The following ALDH18A1 variants were observed in gnomAD, a reference collection of about 807,000 sequenced individuals.
ALDH18A1 encodes the protein delta-1-pyrroline-5-carboxylate synthase.
In ALDH18A1, 44 loss-of-function variants were observed where a neutral mutation model predicts 88.8. The observed-to-expected ratio is 0.50, with a 90% CI of 0.39 to 0.64. The LOEUF (loss-of-function observed/expected upper bound fraction) is 0.64, where lower values mean the gene tolerates loss of function less well. Among genes scored for constraint, ALDH18A1 ranks in the 30% least tolerant of loss-of-function variants. The probability of loss-of-function intolerance (pLI) is 0.00; values close to 1 mark genes in which losing one functional copy is unlikely to be tolerated. For missense variants in ALDH18A1, 782 were observed against 1,009.5 expected (o/e 0.77, Z 3.05); for synonymous variants, 331 against 372.1 (o/e 0.89, Z 1.27).
intron 12 of ALDH18A1, among the ~76,000 whole-genome samples, chr10:95,617,757 G>A (rs977307159): frequency 6.6e-6 from 1 of 152,188 alleles, no homozygotes; most frequent in African/African-American, 2.4e-5. Flanking sequence ...GTTAGCTAAT[G>A]AGGTATCAGC....
chr10:95,625,337 T>C, intron 11 of ALDH18A1, 25 bp downstream of exon 11: 1 of 1,603,316 alleles, frequency 6.2e-7, no homozygotes. Flanking sequence ...TCCACAACAT[T>C]GACTTTAAAT....
intron 10 of ALDH18A1, 80 bp downstream of exon 10, chr10:95,626,623 G>C: frequency 7.5e-7 from 1 of 1,329,818 alleles, no homozygotes; most frequent in South Asian, 1.2e-5. Flanking sequence ...TAAAGATGGA[G>C]TCAGCAGGTT....
chr10:95,622,905 A>C (rs1044396046), intron 11 of ALDH18A1, among the ~76,000 whole-genome samples: 2 of 152,190 alleles, frequency 1.3e-5, no homozygotes, highest in Admixed American at 6.5e-5. Flanking sequence ...ACATGTACGT[A>C]CATCTTCATA....
At chr10:95,629,723 C>T (rs1201938960) in intron 7 of ALDH18A1, among the ~76,000 whole-genome samples, 1 of 152,034 alleles carries the variant, frequency 6.6e-6, no homozygotes, top group Non-Finnish European at 1.5e-5. Flanking sequence ...GATAATGTGC[C>T]TACTCCTCTT....
intron 17 of ALDH18A1, 100 bp downstream of exon 17, chr10:95,610,097 G>A: frequency 8.8e-7 from 1 of 1,140,378 alleles, no homozygotes; most frequent in Middle Eastern, 2.0e-4. Flanking sequence ...GACCAAGCAT[G>A]TGACAGTCAA....
At chr10:95,649,234 AGTTGGG>A (rs145143238) in intron 2 of ALDH18A1, among the ~76,000 whole-genome samples, 27,551 of 151,992 alleles carry the variant, frequency 0.18, 2,752 homozygotes, top group Middle Eastern at 0.27. Flanking sequence ...TAGATCACGA[AGTTGGG>A]TGCAGTGGCT....
chr10:95,621,121 T>G lies in ALDH18A1; in HGVS notation c.1377A>C (p.Arg459=), dbSNP rs749559862. 2.5e-6 allele frequency: 4 copies of G among 1,613,808 alleles called. No homozygotes were observed. The African/African-American group carries it at 4.0e-5, about 16-fold the overall frequency. The change falls in exon 12 of 18, where the codon CGA becomes CGC. Residue 459 remains arginine, a synonymous_variant. Coordinates refer to ENST00000371224, the MANE Select transcript of ALDH18A1 (RefSeq NM_002860.4). The part of the protein sequence containing the change: ...DSVGRVLRRT[R]IAKNLELEQV... ...GTTCCAGTTCCAAGTTTTTGGCGAT[T>G]CGGGTGCGGCGCAAAACACGTCCCA...
chr10:95,622,173 A>C (rs1296897597), intron 11 of ALDH18A1, among the ~76,000 whole-genome samples: 1 of 152,208 alleles, frequency 6.6e-6, no homozygotes, highest in Non-Finnish European at 1.5e-5. Flanking sequence ...GGGAAGGAGA[A>C]CAGAATTTTA....
chr10:95,656,143 G>A (rs1289934689), intron 1 of ALDH18A1, among the ~76,000 whole-genome samples: 1 of 152,162 alleles, frequency 6.6e-6, no homozygotes, highest in African/African-American at 2.4e-5. Context: ...CCAGGCCCCT[G>A]AGAGTCAGCG....
At position 95,653,693 on chromosome 10, in the gene ALDH18A1, T is replaced by TA. The variant is rs984643472; in HGVS notation, c.-28-289dup. On this transcript the variant is annotated intron_variant, in intron 1 of 17. Transcript: ENST00000371224. The stretch of plus-strand genomic sequence containing the variant: ...TGCTCTTTTTGGTATCTTCCAAATT[T>TA]AAAAAAAATCTTTCAGGTGCAATGC... Among the ~76,000 whole-genome samples, 6 of 152,122 alleles carry TA rather than the reference T, an allele frequency of 3.9e-5. No homozygotes were observed. In the South Asian group the frequency reaches 6.2e-4, roughly 16 times the overall value.
At chr10:95,627,348 CATA>C in intron 9 of ALDH18A1, 91 bp downstream of exon 9, 1 of 1,515,412 alleles carries the variant, frequency 6.6e-7, no homozygotes, top group Non-Finnish European at 9.1e-7. Flanking sequence ...TGCCATATTT[CATA>C]ATATTAGCAT....
Position 95,606,530 on chromosome 10 carries a change from C to T in ALDH18A1, c.*232G>A. On this transcript the variant is annotated 3_prime_UTR_variant, in exon 18 of 18. Transcript: ENST00000371224. ...AGAAGATAATTGGACTTGGCAAAGT[C>T]CCTATCGGTAGCAACTATTTTCTTA... 7.2e-7 allele frequency: 1 copy of T among 1,390,488 alleles called. No individual in the cohort carries two copies. Among genetic ancestry groups the T allele is most frequent in the Non-Finnish European group, 9.3e-7 (1 of 1,073,048 alleles). The allele number at this position is 1,390,488 out of a possible 1,614,324, so 86.1% of individuals were successfully genotyped here. A position where few individuals can be genotyped will look rare whatever the true frequency, so the allele number is the denominator to read the frequency against.
intron 7 of ALDH18A1, 47 bp downstream of exon 7, chr10:95,632,912 G>A (rs752736237): frequency 1.3e-6 from 2 of 1,488,086 alleles, no homozygotes; most frequent in Non-Finnish European, 1.9e-6. Context: ...CACATATGTA[G>A]CATTTAAAAC....
intron 11 of ALDH18A1, among the ~76,000 whole-genome samples, chr10:95,624,106 G>A (rs1394671706): frequency 6.6e-6 from 1 of 152,246 alleles, no homozygotes; most frequent in Non-Finnish European, 1.5e-5. Flanking sequence ...CAAAGTGCTG[G>A]GATTACGGGC....
intron 15 of ALDH18A1, 50 bp from the exon 16 acceptor site, chr10:95,611,492 G>GC: frequency 6.3e-7 from 1 of 1,597,116 alleles, no homozygotes; most frequent in South Asian, 1.1e-5. Context: ...ACTGAAATAA[G>GC]CAAGTTCTAG....
chr10:95,647,954 A>C (rs1230546874), intron 2 of ALDH18A1, among the ~76,000 whole-genome samples: 1 of 152,248 alleles, frequency 6.6e-6, no homozygotes, highest in East Asian at 1.9e-4. Flanking sequence ...CTCACCCTAC[A>C]TATCTCTTCA....
intron 7 of ALDH18A1, among the ~76,000 whole-genome samples, chr10:95,630,542 C>T (rs2097867268): frequency 2.6e-5 from 4 of 152,088 alleles, no homozygotes; most frequent in Admixed American, 1.3e-4. Context: ...GAAACCCCTT[C>T]TCTACTAAAA....
chr10:95,625,893 T>C (rs2097859738), intron 10 of ALDH18A1, among the ~76,000 whole-genome samples: 1 of 152,054 alleles, frequency 6.6e-6, no homozygotes, highest in African/African-American at 2.4e-5. Flanking sequence ...TTAATATCAT[T>C]AGTTAGTTTA....
intron 6 of ALDH18A1, 49 bp downstream of exon 6, chr10:95,633,442 T>C (rs1404534490): frequency 3.7e-6 from 6 of 1,607,812 alleles, no homozygotes; most frequent in Non-Finnish European, 5.1e-6. Flanking sequence ...CAGCATAGCA[T>C]GGTGTTAGTG....
Sources: gnomAD v4.1 joint callset for allele counts (sites outside exome capture counted in the v4.1 genomes callset) on GRCh38, gnomAD v4.1.1 for gene constraint, MANE v1.5 for transcripts, NCBI Gene and HGNC (gene_info 2026-07-23, HGNC 2026-07-21) for gene names.